REV1: variants seen among roughly 807,000 people sequenced by gnomAD.
REV1 encodes the protein REV1 DNA directed polymerase.
Under a neutral mutation model 137.4 loss-of-function variants are expected in REV1, and 42 were observed. The ratio of observed to expected loss-of-function variants is 0.31; its 90% CI spans 0.24 to 0.40. The LOEUF (loss-of-function observed/expected upper bound fraction) is 0.40, where lower values mean the gene tolerates loss of function less well. REV1 is among the 10% of genes least tolerant of loss of function. The probability of loss-of-function intolerance (pLI) is 1.00; values close to 1 mark genes in which losing one functional copy is unlikely to be tolerated. For missense variants in REV1, 1,282 were observed against 1,490.1 expected (o/e 0.86, Z 2.30); for synonymous variants, 524 against 519.2 (o/e 1.01, Z -0.12).
intron 6 of REV1, 53 bp from the exon 7 acceptor site, chr2:99,435,994 A>ACCTGATGTTTT: frequency 1.1e-5 from 11 of 985,556 alleles, no homozygotes; most frequent in Non-Finnish European, 1.8e-5. Flanking sequence ...ACTATTTAAA[A>ACCTGATGTTTT]CATCAGGTCT....
chr2:99,427,074 C>T (rs1048699608), intron 9 of REV1, among the ~76,000 whole-genome samples: 9 of 151,924 alleles, frequency 5.9e-5, no homozygotes, highest in African/African-American at 1.5e-4. Flanking sequence ...CCCAGCTACT[C>T]GGGAGGCTGA....
chr2:99,404,505 T>G lies in REV1; in HGVS notation c.2984A>C (p.Glu995Ala). ...TGCGTCACTGTTCGATTCTTGAGGT[T>G]CTGGTATTTGCAACAAGACTGTCCC... ...PVGTVLLQIP[E>A]PQESNSDAGI... The change falls in exon 18 of 23, where the codon GAA becomes GCA. Residue 995 changes from glutamate to alanine, a missense_variant. This residue lies in a region of REV1 where 135 missense variants were observed against 123.3 expected (regional missense o/e 1.10). Transcript: ENST00000258428. The G allele has an allele frequency of 6.2e-7, 1 of 1,614,210 alleles. No homozygotes were observed.
intron 4 of REV1, among the ~76,000 whole-genome samples, chr2:99,446,389 G>C (rs1682210181): frequency 6.6e-6 from 1 of 152,152 alleles, no homozygotes; most frequent in South Asian, 2.1e-4. Flanking sequence ...CCATTAAAGT[G>C]AATTTTAACT....
Position 99,462,396 on chromosome 2 carries a change from T to C in REV1, c.181+100A>G, listed in dbSNP as rs1320979799. On this transcript the variant is annotated intron_variant, in intron 3 of 22. Transcript: ENST00000258428. ...TTATTTCTTCTCATCTTACAATCATTTGTCTATAATAAATGAGTAAAAATA... is the reference window on the plus strand; with the variant it reads ...TTATTTCTTCTCATCTTACAATCATCTGTCTATAATAAATGAGTAAAAATA... 3.6e-6 allele frequency: 4 copies of C among 1,096,590 alleles called. No homozygotes were observed. In the African/African-American group the frequency reaches 4.9e-5, roughly 13 times the overall value. The allele number at this position is 1,096,590 out of a possible 1,614,324, so 67.9% of individuals were successfully genotyped here. A position where few individuals can be genotyped will look rare whatever the true frequency, so the allele number is the denominator to read the frequency against.
intron 1 of REV1, among the ~76,000 whole-genome samples, chr2:99,486,895 AAG>A (rs1425287321): frequency 1.4e-5 from 2 of 143,432 alleles, no homozygotes; most frequent in Non-Finnish European, 3.1e-5. Flanking sequence ...AAACAAGTCT[AAG>A]GGGGGAAATA....
chr2:99,407,721 A>ATTC (rs1159905648), intron 15 of REV1, among the ~76,000 whole-genome samples: 1 of 152,194 alleles, frequency 6.6e-6, no homozygotes, highest in African/African-American at 2.4e-5. Context: ...AAATTTATGT[A>ATTC]TTCATATTCC....
At chr2:99,486,864 G>A (rs908206084) in intron 1 of REV1, among the ~76,000 whole-genome samples, 1 of 152,092 alleles carries the variant, frequency 6.6e-6, no homozygotes, top group African/African-American at 2.4e-5. Context: ...CTGCTCGCTT[G>A]TTGAGAACAG....
At chr2:99,402,217 C>T in intron 22 of REV1, 27 bp downstream of exon 22, 1 of 977,256 alleles carries the variant, frequency 1.0e-6, no homozygotes, top group Non-Finnish European at 1.6e-6. Context: ...CATTTTTTCC[C>T]ATTTGATAAA....
At chr2:99,430,206 C>T (rs1417512323) in intron 8 of REV1, among the ~76,000 whole-genome samples, 1 of 151,282 alleles carries the variant, frequency 6.6e-6, no homozygotes, top group African/African-American at 2.4e-5. Context: ...TTTAAATACA[C>T]CAGAAGATAA....
intron 8 of REV1, 49 bp from the exon 9 acceptor site, chr2:99,429,997 C>G: frequency 1.7e-6 from 2 of 1,165,350 alleles, no homozygotes; most frequent in Non-Finnish European, 2.4e-6. Flanking sequence ...AACTGATTTT[C>G]CCTCACTTTT....
At chr2:99,427,052 G>A (rs959641216) in intron 9 of REV1, among the ~76,000 whole-genome samples, 5 of 151,900 alleles carry the variant, frequency 3.3e-5, no homozygotes, top group African/African-American at 4.8e-5. Context: ...GCGTGGTGGC[G>A]GGAGCAGTAA....
chr2:99,470,427 AC>A (rs1685287374), intron 1 of REV1, among the ~76,000 whole-genome samples: 1 of 152,232 alleles, frequency 6.6e-6, no homozygotes, highest in South Asian at 2.1e-4. Context: ...ATAAATAGTA[AC>A]TTCTCTTAGA....
intron 2 of REV1, among the ~76,000 whole-genome samples, chr2:99,463,311 G>C (rs1684437537): frequency 6.6e-6 from 1 of 152,088 alleles, no homozygotes; most frequent in African/African-American, 2.4e-5. Flanking sequence ...CCTGAGGTCA[G>C]GAGTTCGAGA....
chr2:99,459,854 A>G (rs1248708546), intron 3 of REV1, among the ~76,000 whole-genome samples: 1 of 152,230 alleles, frequency 6.6e-6, no homozygotes, highest in Non-Finnish European at 1.5e-5. Flanking sequence ...TTCAAGTTCA[A>G]TGTTAACTGG....
intron 3 of REV1, among the ~76,000 whole-genome samples, chr2:99,456,245 T>C (rs954787092): frequency 2.0e-5 from 3 of 152,212 alleles, no homozygotes; most frequent in East Asian, 3.8e-4. Flanking sequence ...CTAATACTTA[T>C]TGAGTATCTA....
rs1253748511 is a variant in REV1 at position 99,438,865 on chromosome 2, C to G, written c.949G>C (p.Val317Leu). The G allele has an allele frequency of 6.2e-7, 1 of 1,614,192 alleles. No individual in the cohort carries two copies. The highest frequency in any genetic ancestry group is 8.5e-7 in the Non-Finnish European group (1 of 1,180,044). Residue 317 changes from valine (V) to leucine (L), a missense_variant, in exon 6 of 23, where the codon GTT (valine) becomes CTT (leucine). Val to Leu is a conservative substitution (Grantham distance 32). Coordinates refer to ENST00000258428, the MANE Select transcript of REV1 (RefSeq NM_016316.4). ...TKINGAHHST[V>L]QGPSSTKSTS... ...CTTTTTGTGCTTGAAGGCCCCTGAACAGTGGAGTGGTGAGCACCATTGATT... is the reference window on the plus strand; with the variant it reads ...CTTTTTGTGCTTGAAGGCCCCTGAAGAGTGGAGTGGTGAGCACCATTGATT...
At chr2:99,439,575 GTTTT>G (rs1006315454) in intron 5 of REV1, among the ~76,000 whole-genome samples, 1 of 151,994 alleles carries the variant, frequency 6.6e-6, no homozygotes, top group Admixed American at 6.6e-5. Flanking sequence ...CCCTTTAGGT[GTTTT>G]TTGTTTGTTT....
chr2:99,431,619 T>C (rs1575079488), intron 8 of REV1: 2 of 583,768 alleles, frequency 3.4e-6, no homozygotes, highest in African/African-American at 2.0e-5. Context: ...ATCTAAGATA[T>C]TGTCTTGAAA....
At chr2:99,420,873 T>C (rs1678567714) in intron 11 of REV1, among the ~76,000 whole-genome samples, 1 of 152,144 alleles carries the variant, frequency 6.6e-6, no homozygotes, top group Non-Finnish European at 1.5e-5. Flanking sequence ...AAAAGGGGTA[T>C]CTTGCCAGAA....
Sources: gnomAD v4.1 joint callset for allele counts (sites outside exome capture counted in the v4.1 genomes callset) on GRCh38, gnomAD v4.1.1 for gene constraint, gnomAD v4.1.1 regional missense constraint, MANE v1.5 for transcripts, NCBI Gene and HGNC (gene_info 2026-07-23, HGNC 2026-07-21) for gene names.